PLA2G4F: variants seen among roughly 807,000 people sequenced by gnomAD.
PLA2G4F encodes cytosolic phospholipase A2 zeta.
PLA2G4F carries 105 observed loss-of-function variants against 103.1 expected under a neutral mutation model. The observed-to-expected ratio is 1.02, with a 90% confidence interval of 0.87 to 1.20. The LOEUF (loss-of-function observed/expected upper bound fraction) is 1.20, where lower values mean the gene tolerates loss of function less well. PLA2G4F is among the 50% of genes most tolerant of loss of function. The probability of loss-of-function intolerance (pLI) is 0.00; values close to 1 mark genes in which losing one functional copy is unlikely to be tolerated. For synonymous variants in PLA2G4F, 468 were observed against 441.1 expected, an observed-to-expected ratio of 1.06 and a Z score of -0.76; for missense variants, 1,155 against 1,075.9, an observed-to-expected ratio of 1.07 and a Z score of -1.03.
chr15:42,142,605 T>C lies in PLA2G4F; in HGVS notation c.2252A>G (p.Lys751Arg), dbSNP rs376070556. Residue 751 changes from lysine to arginine, a missense_variant, in exon 19 of 20, where the codon AAG (lysine) becomes AGG (arginine). Lys to Arg is a conservative substitution (Grantham distance 26). Around this residue, in one of 3 missense-constraint regions of PLA2G4F, gnomAD observed 782 missense variants for 692.9 expected, o/e 1.13. Transcript: ENST00000397272. ...AATGGGGGAGCGGGGGTCCTCAGCCTTGGCAAACAGATAGCACTCACGGGC... is the reference window on the plus strand; with the variant it reads ...AATGGGGGAGCGGGGGTCCTCAGCCCTGGCAAACAGATAGCACTCACGGGC... ...EEARECYLFA[K>R]AEDPRSPIVL... 1.2e-6 allele frequency: 2 copies of C among 1,613,974 alleles called. No homozygotes were observed. The highest frequency in any genetic ancestry group is 1.7e-6 in the Non-Finnish European group (2 of 1,179,996).
At chr15:42,142,405 G>T in intron 19 of PLA2G4F, 123 bp downstream of exon 19, 1 of 1,282,860 alleles carries the variant, frequency 7.8e-7, no homozygotes, top group Non-Finnish European at 1.1e-6. Flanking sequence ...GGCCACAGGG[G>T]CCAGCTCAGG....
intron 7 of PLA2G4F, chr15:42,151,142 T>C: frequency 1.0e-6 from 1 of 985,358 alleles, no homozygotes; most frequent in Non-Finnish European, 1.2e-6. Context: ...GTTTCCCGCT[T>C]GCCCCACTTC....
Position 42,153,646 on chromosome 15 carries a change from C to A in PLA2G4F, c.465G>T (p.Leu155=), listed in dbSNP as rs747586112. The change falls in exon 5 of 20, where the codon CTG becomes CTT. Residue 155 remains leucine, a synonymous_variant. Coordinates refer to ENST00000397272, the MANE Select transcript of PLA2G4F (RefSeq NM_213600.4). ...TCTTCTCCAGAACAAATTCCACCTG[C>A]AGCTCTTGTGAATCCTACATGGAGG... ...FPLNHQDSQE[L]QVEFVLEKSQ... is the part of the protein sequence containing the mutation. The A allele has an allele frequency of 8.7e-6, 14 of 1,614,104 alleles. No individual in the cohort carries two copies. Among genetic ancestry groups the A allele is most frequent in the Non-Finnish European group, 1.1e-5 (13 of 1,180,040 alleles).
At chr15:42,146,847 G>T (rs954259380) in intron 13 of PLA2G4F, 2 of 394,742 alleles carry the variant, frequency 5.1e-6, no homozygotes, top group Non-Finnish European at 9.3e-6. Context: ...TGGAAGGGGG[G>T]CCGAGGCATG....
At position 42,154,194 on chromosome 15, in the gene PLA2G4F, G is replaced by C. The variant is rs990918111; in HGVS notation, c.348C>G (p.Asp116Glu). The C allele has an allele frequency of 8.7e-6, 14 of 1,614,132 alleles. No homozygotes were observed. The African/African-American group carries it at 1.7e-4, about 20-fold the overall frequency. The change falls in exon 4 of 20, where the codon GAC (aspartate) becomes GAG (glutamate). Residue 116 changes from aspartate to glutamate, a missense_variant. By Grantham distance (45) the Asp-to-Glu change is conservative. Around this residue, in one of 3 missense-constraint regions of PLA2G4F, gnomAD observed 370 missense variants for 364.9 expected, o/e 1.01. Coordinates refer to ENST00000397272, the MANE Select transcript of PLA2G4F (RefSeq NM_213600.4). ...GCTGGTCGCTGCCCAGGATGTCCTT[G>C]TCATAGAGGGTGAGCTCCAGGACGT... ...VKNVLELTLY[D>E]KDILGSDQLS...
At position 42,154,415 on chromosome 15, in the gene PLA2G4F, C is replaced by T. The variant is rs199567509; in HGVS notation, c.228G>A (p.Ala76=). The change falls in exon 3 of 20, where the codon GCG becomes GCA. Residue 76 remains alanine, a synonymous_variant. Transcript: ENST00000397272. ...DCYVQLWLPT[A]SPSPAQTRIV... ...TCCTAGTCTGGGCAGGGCTTGGGGA[C>T]GCCGTGGGCAGCCACAGTTGCACAT... 123 of 1,608,850 alleles carry T rather than the reference C, an allele frequency of 7.6e-5. No individual in the cohort carries two copies. The highest frequency in any genetic ancestry group is 2.1e-4 in the South Asian group (19 of 90,626).
Position 42,145,857 on chromosome 15 carries a change from C to G in PLA2G4F, c.1581G>C (p.Gly527=), listed in dbSNP as rs751427672. The change falls in exon 15 of 20, where the codon GGG becomes GGC. Residue 527 remains glycine, a synonymous_variant. Coordinates refer to ENST00000397272, the MANE Select transcript of PLA2G4F (RefSeq NM_213600.4). Reference sequence around the variant, plus strand: ...CGAAGAGCTCGGTGGGAACATAAGCCCCGTACTTGGGGAAGCCAACCTCAT... The same window carrying G: ...CGAAGAGCTCGGTGGGAACATAAGCGCCGTACTTGGGGAAGCCAACCTCAT... ...TPYEVGFPKY[G]AYVPTELFGS... is the part of the protein sequence containing the mutation. The G allele has an allele frequency of 2.5e-6, 4 of 1,614,032 alleles. No homozygotes were observed. Among genetic ancestry groups the G allele is most frequent in the Non-Finnish European group, 3.4e-6 (4 of 1,180,008 alleles).
At chr15:42,146,022 G>T in intron 14 of PLA2G4F, 105 bp downstream of exon 14, 3 of 1,581,080 alleles carry the variant, frequency 1.9e-6, no homozygotes, top group South Asian at 2.3e-5. Flanking sequence ...GTGCTCCAAG[G>T]TGCCTGTGTG....
In PLA2G4F at chr15:42,141,370, G is replaced by C; in HGVS notation, c.*614C>G. The stretch of plus-strand genomic sequence containing the variant: ...GACATCACCCCACAGGCTTTAGGGC[G>C]CTGGGAAGAGAAGGGTGATCTGGGA... On this transcript the variant is annotated 3_prime_UTR_variant, in exon 20 of 20. Coordinates refer to ENST00000397272, the MANE Select transcript of PLA2G4F (RefSeq NM_213600.4). 1 of 456,712 alleles carries C rather than the reference G, an allele frequency of 2.2e-6. No homozygotes were observed. Among genetic ancestry groups the C allele is most frequent in the South Asian group, 1.5e-5 (1 of 64,552 alleles). The allele number at this position is 456,712 out of a possible 1,614,324, so 28.3% of individuals were successfully genotyped here. A position where few individuals can be genotyped will look rare whatever the true frequency, so the allele number is the denominator to read the frequency against.
chr15:42,148,713 C>G, intron 11 of PLA2G4F: 1 of 985,392 alleles, frequency 1.0e-6, no homozygotes, highest in African/African-American at 1.7e-5. Flanking sequence ...GTCTCAGGAT[C>G]GGAGGTGCCT....
At chr15:42,153,995 A>G in intron 4 of PLA2G4F, 97 bp downstream of exon 4, 3 of 1,550,722 alleles carry the variant, frequency 1.9e-6, no homozygotes, top group Non-Finnish European at 2.6e-6. Flanking sequence ...TCTGCCTTGG[A>G]GGCTTGGCCT....
At chr15:42,153,374 A>T (rs2048979097) in intron 5 of PLA2G4F, 32 bp from the exon 6 acceptor site, 1 of 1,605,932 alleles carries the variant, frequency 6.2e-7, no homozygotes, top group African/African-American at 1.3e-5. Context: ...TGGAGAATAC[A>T]TCTGGCCCCA....
intron 11 of PLA2G4F, among the ~76,000 whole-genome samples, chr15:42,148,150 C>A (rs1275171061): frequency 6.8e-6 from 1 of 146,420 alleles, no homozygotes; most frequent in African/African-American, 2.6e-5. Flanking sequence ...CCACTGCACT[C>A]CAGCCTGGGC....
chr15:42,142,990 C>A (rs1354272587), intron 18 of PLA2G4F, among the ~76,000 whole-genome samples: 1 of 151,940 alleles, frequency 6.6e-6, no homozygotes, highest in Non-Finnish European at 1.5e-5. Flanking sequence ...ACCACCCTGG[C>A]CAACATGGTG....
At chr15:42,148,805 C>T in intron 11 of PLA2G4F, 2 of 985,394 alleles carry the variant, frequency 2.0e-6, no homozygotes, top group Non-Finnish European at 2.4e-6. Context: ...TTGTTCTTTT[C>T]CCTGTTCTCT....
chr15:42,148,226 A>G (rs2048915314), intron 11 of PLA2G4F, among the ~76,000 whole-genome samples: 1 of 151,880 alleles, frequency 6.6e-6, no homozygotes, highest in Non-Finnish European at 1.5e-5. Context: ...CCAGATGTTG[A>G]AACTGAGGCA....
rs143229349 is a variant in PLA2G4F at position 42,142,545 on chromosome 15, C to A, written c.2312G>T (p.Arg771Leu). 8.7e-6 allele frequency: 14 copies of A among 1,613,638 alleles called. No individual in the cohort carries two copies. In the East Asian group the frequency reaches 3.1e-4, roughly 36 times the overall value. ...LHFPLVNRTF[R>L]THLAPGVERQ... ...TCCCTTACCTGGGGCCAGGTGTGTGCGGAAGGTACGGTTAACCAGGGGGAA... is the reference window on the plus strand; with the variant it reads ...TCCCTTACCTGGGGCCAGGTGTGTGAGGAAGGTACGGTTAACCAGGGGGAA... The change falls in exon 19 of 20, where the codon CGC becomes CTC. Residue 771 changes from arginine to leucine, a missense_variant. Physicochemically the swap from Arg to Leu is moderately radical, Grantham distance 102 (BLOSUM62 -2). Coordinates refer to ENST00000397272, the MANE Select transcript of PLA2G4F (RefSeq NM_213600.4).
intron 16 of PLA2G4F, 129 bp from the exon 17 acceptor site, chr15:42,144,773 A>G: frequency 2.1e-6 from 2 of 952,008 alleles, no homozygotes; most frequent in Non-Finnish European, 2.9e-6. Context: ...CCCTGACCCC[A>G]CCTCCCAAGC....
At chr15:42,155,161 ACT>A (rs2049003013) in intron 2 of PLA2G4F, among the ~76,000 whole-genome samples, 1 of 151,438 alleles carries the variant, frequency 6.6e-6, no homozygotes, top group African/African-American at 2.4e-5. Context: ...TCACACTTGC[ACT>A]CACACACTCC....
Sources: allele counts gnomAD v4.1 joint callset (sites outside exome capture counted in the v4.1 genomes callset), GRCh38; gene constraint gnomAD v4.1.1; regional missense constraint gnomAD v4.1.1; transcripts MANE v1.5; gene names NCBI Gene and HGNC (gene_info 2026-07-23, HGNC 2026-07-21).